PARD3: variants seen among roughly 807,000 people sequenced by gnomAD.
PARD3 encodes the protein par-3 family cell polarity regulator.
PARD3 carries 75 observed loss-of-function variants against 155.4 expected under a neutral mutation model. The ratio of observed to expected loss-of-function variants is 0.48; its 90% confidence interval spans 0.40 to 0.58. PARD3 has a LOEUF of 0.58. Ranked by LOEUF, PARD3 falls within the 20% of genes least tolerant of loss-of-function variation. The pLI is 0.00. For synonymous variants in PARD3, 576 were observed against 610.5 expected (o/e 0.94, Z 0.83); for missense variants, 1,642 against 1,721.7 (o/e 0.95, Z 0.82).
At chr10:34,718,355 G>A (rs1340009830) in intron 1 of PARD3, among the ~76,000 whole-genome samples, 1 of 151,904 alleles carries the variant, frequency 6.6e-6, no homozygotes, top group African/African-American at 2.4e-5. Flanking sequence ...ACAAAGGTGA[G>A]GAGGTCAAAA....
At chr10:34,475,599 A>G (rs879490965) in intron 3 of PARD3, among the ~76,000 whole-genome samples, 8 of 152,238 alleles carry the variant, frequency 5.3e-5, no homozygotes, top group African/African-American at 1.2e-4. Flanking sequence ...GAGAAATTCC[A>G]TAACATTAGT....
chr10:34,497,873 CAATT>C (rs2080398413), intron 3 of PARD3, among the ~76,000 whole-genome samples: 2 of 151,950 alleles, frequency 1.3e-5, no homozygotes. Flanking sequence ...AGATGAAACA[CAATT>C]AATTATAATA....
At chr10:34,145,238 T>A (rs1273500342) in intron 22 of PARD3, among the ~76,000 whole-genome samples, 1 of 127,878 alleles carries the variant, frequency 7.8e-6, no homozygotes, top group African/African-American at 2.9e-5. Context: ...TTTTTTTTTT[T>A]TTTACAGGAT....
At chr10:34,420,735 G>A (rs946652830) in intron 5 of PARD3, among the ~76,000 whole-genome samples, 12 of 152,148 alleles carry the variant, frequency 7.9e-5, no homozygotes, top group African/African-American at 2.2e-4. Flanking sequence ...CAAAGACTAC[G>A]ATGGCAATCC....
intron 15 of PARD3, 69 bp from the exon 16 acceptor site, chr10:34,341,885 A>T: frequency 1.1e-6 from 1 of 914,484 alleles, no homozygotes; most frequent in East Asian, 2.6e-5. Context: ...ATTAATTTTA[A>T]TACTTTGCTA....
At chr10:34,284,717 T>C (rs1362418979) in intron 20 of PARD3, among the ~76,000 whole-genome samples, 1 of 152,214 alleles carries the variant, frequency 6.6e-6, no homozygotes, top group Admixed American at 6.5e-5. Context: ...ACATTCATCA[T>C]AGTTTAAAAA....
At chr10:34,503,454 C>A (rs2080846502) in intron 3 of PARD3, among the ~76,000 whole-genome samples, 1 of 152,120 alleles carries the variant, frequency 6.6e-6, no homozygotes, top group African/African-American at 2.4e-5. Flanking sequence ...ATAATTTATT[C>A]TTAAATTACA....
chr10:34,607,508 A>C (rs2090561929), intron 2 of PARD3, among the ~76,000 whole-genome samples: 1 of 152,218 alleles, frequency 6.6e-6, no homozygotes, highest in Non-Finnish European at 1.5e-5. Context: ...GGATTTAAAA[A>C]AAGGGATATT....
intron 5 of PARD3, among the ~76,000 whole-genome samples, chr10:34,415,204 G>A (rs1845547073): frequency 6.6e-6 from 1 of 152,132 alleles, no homozygotes; most frequent in Admixed American, 6.5e-5. Flanking sequence ...AGGTGGGGAA[G>A]CCGTATATGT....
At chr10:34,579,923 AG>A (rs2087284376) in intron 2 of PARD3, among the ~76,000 whole-genome samples, 1 of 143,160 alleles carries the variant, frequency 7.0e-6, no homozygotes, top group Admixed American at 6.9e-5. Context: ...AAAAAAAAAT[AG>A]TTTTTGAGAT....
intron 22 of PARD3, among the ~76,000 whole-genome samples, chr10:34,267,964 A>G (rs1024999824): frequency 6.6e-6 from 1 of 152,184 alleles, no homozygotes; most frequent in Non-Finnish European, 1.5e-5. Flanking sequence ...GCTATTCATA[A>G]TGTTCAAGGC....
chr10:34,629,883 T>C (rs1406113033), intron 2 of PARD3, among the ~76,000 whole-genome samples: 3 of 152,200 alleles, frequency 2.0e-5, no homozygotes, highest in African/African-American at 4.8e-5. Flanking sequence ...ATATTACAGA[T>C]AGAATATGCA....
At chr10:34,222,026 T>G (rs1952323669) in intron 22 of PARD3, among the ~76,000 whole-genome samples, 1 of 152,234 alleles carries the variant, frequency 6.6e-6, no homozygotes, top group African/African-American at 2.4e-5. Flanking sequence ...ATGGTAAATT[T>G]TATTAAAAAC....
intron 1 of PARD3, among the ~76,000 whole-genome samples, chr10:34,746,043 A>G (rs943664880): frequency 6.6e-6 from 1 of 152,214 alleles, no homozygotes; most frequent in Non-Finnish European, 1.5e-5. Flanking sequence ...CGGAGCCTGC[A>G]GTGAGCCTAG....
chr10:34,783,973 C>G (rs957718168), intron 1 of PARD3, among the ~76,000 whole-genome samples: 2 of 152,082 alleles, frequency 1.3e-5, no homozygotes, highest in African/African-American at 4.8e-5. Flanking sequence ...CTTTAACAGG[C>G]TGAGCAGGAG....
intron 22 of PARD3, among the ~76,000 whole-genome samples, chr10:34,168,140 G>A (rs1949622996): frequency 6.6e-6 from 1 of 152,048 alleles, no homozygotes; most frequent in Non-Finnish European, 1.5e-5. Flanking sequence ...GGTATCTGTT[G>A]TTGAAATAGT....
chr10:34,510,687 CCTTT>C (rs1466729599), intron 3 of PARD3, among the ~76,000 whole-genome samples: 1 of 151,120 alleles, frequency 6.6e-6, no homozygotes, highest in Non-Finnish European at 1.5e-5. Context: ...GTGTGTGTTT[CCTTT>C]ATTTTTTTTT....
intron 12 of PARD3, among the ~76,000 whole-genome samples, chr10:34,368,671 C>T (rs1024488105): frequency 2.0e-5 from 3 of 149,410 alleles, no homozygotes; most frequent in Non-Finnish European, 3.0e-5. Context: ...GACTCCATCT[C>T]AAACAAAAAA....
intron 20 of PARD3, among the ~76,000 whole-genome samples, chr10:34,287,689 G>A (rs1956465697): frequency 6.6e-6 from 1 of 152,096 alleles, no homozygotes; most frequent in Non-Finnish European, 1.5e-5. Flanking sequence ...TGCCCACATA[G>A]TCTCATATAT....
Sources: gnomAD v4.1 joint callset for allele counts (sites outside exome capture counted in the v4.1 genomes callset) on GRCh38, gnomAD v4.1.1 for gene constraint, MANE v1.5 for transcripts, NCBI Gene and HGNC (gene_info 2026-07-23, HGNC 2026-07-21) for gene names.